The following TMEM132B variants were observed in gnomAD, a reference collection of about 807,000 sequenced individuals.
The protein encoded by TMEM132B is transmembrane protein 132B.
Under a neutral mutation model 90.8 loss-of-function variants are expected in TMEM132B, and 18 were observed. The observed-to-expected ratio is 0.20, with a 90% CI of 0.14 to 0.29. TMEM132B has a LOEUF of 0.29. Ranked by LOEUF, TMEM132B falls within the 10% of genes least tolerant of loss-of-function variation. TMEM132B has a pLI of 1.00. For missense variants in TMEM132B, 1,096 were observed against 1,326.8 expected (o/e 0.83, Z 2.70); for synonymous variants, 504 against 523.3 (o/e 0.96, Z 0.50).
chr12:125,348,140 A>G (rs1367687763), intron 1 of TMEM132B, among the ~76,000 whole-genome samples: 1 of 152,026 alleles, frequency 6.6e-6, no homozygotes, highest in African/African-American at 2.4e-5. Flanking sequence ...CCTTAATGTC[A>G]TATTGTGGCC....
intron 1 of TMEM132B, among the ~76,000 whole-genome samples, chr12:125,240,470 A>G (rs1874039340): frequency 1.3e-5 from 2 of 152,182 alleles, no homozygotes; most frequent in Admixed American, 1.3e-4. Context: ...AGTAAGCCTC[A>G]TCTATGGGCA....
chr12:125,593,655 G>A (rs1470248484), intron 5 of TMEM132B, among the ~76,000 whole-genome samples: 1 of 152,022 alleles, frequency 6.6e-6, no homozygotes, highest in African/African-American at 2.4e-5. Flanking sequence ...GGAGGGAAGG[G>A]GACTCTCATT....
At chr12:125,340,890 T>C (rs889812503) in intron 1 of TMEM132B, among the ~76,000 whole-genome samples, 1 of 152,220 alleles carries the variant, frequency 6.6e-6, no homozygotes, top group Admixed American at 6.5e-5. Context: ...GGAGGCATCC[T>C]CGTAAGCTCA....
rs150362715 is a variant in TMEM132B at position 125,530,787 on chromosome 12, C to T, written c.1293+11162C>T. Among the ~76,000 whole-genome samples the T allele has an allele frequency of 9.2e-5, 14 of 152,356 alleles. No homozygotes were observed. In the East Asian group the frequency reaches 2.5e-3, roughly 27 times the overall value. On this transcript the variant is annotated intron_variant, in intron 4 of 8. Coordinates refer to ENST00000682704, the MANE Select transcript of TMEM132B (RefSeq NM_001366854.1). Reference sequence around the variant, plus strand: ...TCCTCCCCTTATAAGGACACCAGTCCTTGCATTGAGGGCTCACCCTAATCC... The same window carrying T: ...TCCTCCCCTTATAAGGACACCAGTCTTTGCATTGAGGGCTCACCCTAATCC...
At chr12:125,528,711 A>T (rs759871120) in intron 4 of TMEM132B, among the ~76,000 whole-genome samples, 11 of 152,200 alleles carry the variant, frequency 7.2e-5, no homozygotes, top group Non-Finnish European at 1.5e-4. Flanking sequence ...ATAACTTTTG[A>T]CTGACTGAAA....
At chr12:125,442,724 G>C (rs1395063651) in intron 3 of TMEM132B, among the ~76,000 whole-genome samples, 1 of 152,222 alleles carries the variant, frequency 6.6e-6, no homozygotes, top group Non-Finnish European at 1.5e-5. Context: ...ATGACGGCAG[G>C]TGTGTTTTTC....
At chr12:125,343,640 A>AT (rs1309172659) in intron 1 of TMEM132B, among the ~76,000 whole-genome samples, 3 of 152,208 alleles carry the variant, frequency 2.0e-5, no homozygotes, top group Non-Finnish European at 4.4e-5. Flanking sequence ...CAGTTTCATA[A>AT]TTTTTTGAAA....
intron 1 of TMEM132B, among the ~76,000 whole-genome samples, chr12:125,329,952 T>G (rs1876711892): frequency 6.6e-6 from 1 of 152,168 alleles, no homozygotes; most frequent in Non-Finnish European, 1.5e-5. Context: ...TTTCTCAGGG[T>G]GACGGAAGTG....
intron 5 of TMEM132B, among the ~76,000 whole-genome samples, chr12:125,598,373 T>C (rs1382064233): frequency 6.6e-6 from 1 of 152,014 alleles, no homozygotes; most frequent in Non-Finnish European, 1.5e-5. Flanking sequence ...CCTGCCCCAA[T>C]CCACAAAAGT....
At chr12:125,523,711 A>C (rs573119201) in intron 4 of TMEM132B, among the ~76,000 whole-genome samples, 1 of 152,174 alleles carries the variant, frequency 6.6e-6, no homozygotes, top group South Asian at 2.1e-4. Flanking sequence ...CTGCTCTGTC[A>C]TTGTGTTGTA....
intron 5 of TMEM132B, among the ~76,000 whole-genome samples, chr12:125,626,251 G>A (rs755991593): frequency 6.6e-6 from 1 of 151,770 alleles, no homozygotes; most frequent in Non-Finnish European, 1.5e-5. Context: ...ACCAGTTTAA[G>A]TATCACATGC....
At position 125,275,641 on chromosome 12, in the gene TMEM132B, T is replaced by C. The variant is rs983617574; in HGVS notation, c.68-73811T>C. 5.9e-5 allele frequency among the ~76,000 whole-genome samples: 9 copies of C among 152,322 alleles called. No individual in the cohort carries two copies. In the South Asian group the frequency reaches 1.9e-3, roughly 32 times the overall value. ...GAGTGGGAGTTGAACAGATGGTAAGTTGACTATGTCCCACCTTCCTAGCTT... is the reference window on the plus strand; with the variant it reads ...GAGTGGGAGTTGAACAGATGGTAAGCTGACTATGTCCCACCTTCCTAGCTT... On this transcript the variant is annotated intron_variant, in intron 1 of 8. Transcript: ENST00000682704.
intron 2 of TMEM132B, among the ~76,000 whole-genome samples, chr12:125,409,332 A>T (rs2136336579): frequency 6.6e-6 from 1 of 152,276 alleles, no homozygotes; most frequent in South Asian, 2.1e-4. Context: ...CCAAATTGCA[A>T]ATGCAGCAAG....
At chr12:125,603,602 G>C (rs561577934) in intron 5 of TMEM132B, among the ~76,000 whole-genome samples, 1 of 152,212 alleles carries the variant, frequency 6.6e-6, no homozygotes, top group East Asian at 1.9e-4. Flanking sequence ...TTGACAAATG[G>C]GATCCAATTA....
intron 5 of TMEM132B, among the ~76,000 whole-genome samples, chr12:125,600,762 G>A (rs1445163544): frequency 6.6e-6 from 1 of 152,126 alleles, no homozygotes; most frequent in Non-Finnish European, 1.5e-5. Flanking sequence ...AAAATAAAGG[G>A]ATGGAGGAAA....
intron 1 of TMEM132B, among the ~76,000 whole-genome samples, chr12:125,229,021 G>T (rs1393711928): frequency 1.3e-5 from 2 of 152,202 alleles, no homozygotes; most frequent in Admixed American, 6.5e-5. Flanking sequence ...TAGCTATGGT[G>T]CCGCGGGCGA....
intron 5 of TMEM132B, among the ~76,000 whole-genome samples, chr12:125,599,860 A>T (rs1268433171): frequency 2.0e-5 from 3 of 152,162 alleles, no homozygotes; most frequent in Non-Finnish European, 2.9e-5. Context: ...GGGAAAACTT[A>T]CTTTTGGTCT....
intron 2 of TMEM132B, among the ~76,000 whole-genome samples, chr12:125,377,665 T>C (rs762281079): frequency 6.6e-6 from 1 of 152,218 alleles, no homozygotes; most frequent in African/African-American, 2.4e-5. Flanking sequence ...TATTCCACTA[T>C]ATAGTTCTGA....
chr12:125,402,966 A>G (rs1230871961), intron 2 of TMEM132B, among the ~76,000 whole-genome samples: 1 of 151,974 alleles, frequency 6.6e-6, no homozygotes. Context: ...GCAGGCTGGG[A>G]CCTGTTAGCT....
Sources: allele counts gnomAD v4.1 joint callset (sites outside exome capture counted in the v4.1 genomes callset), GRCh38; gene constraint gnomAD v4.1.1; transcripts MANE v1.5; gene names NCBI Gene and HGNC (gene_info 2026-07-23, HGNC 2026-07-21).